Variants in A2M observed in about 807,000 individuals in gnomAD.
The protein encoded by A2M is alpha-2-macroglobulin, also known as C3 and PZP-like alpha-2-macroglobulin domain-containing protein 5.
A2M carries 128 observed loss-of-function variants against 183.9 expected under a neutral mutation model. That is an observed-to-expected ratio of 0.70 (90% CI 0.60 to 0.81). The LOEUF (loss-of-function observed/expected upper bound fraction) is 0.81, where lower values mean the gene tolerates loss of function less well. Among genes scored for constraint, A2M ranks in the 30% least tolerant of loss-of-function variants. A2M has a pLI of 0.00. For synonymous variants in A2M, 592 were observed against 670.8 expected, an observed-to-expected ratio of 0.88 and a Z score of 1.81; for missense variants, 1,495 against 1,787.6, an observed-to-expected ratio of 0.84 and a Z score of 2.95.
chr12:9,090,439 G>A lies in A2M; in HGVS notation c.2513C>T (p.Pro838Leu), dbSNP rs1464862721. 6.2e-7 allele frequency: 1 copy of A among 1,613,840 alleles called. No homozygotes were observed. Among genetic ancestry groups the A allele is most frequent in the African/African-American group, 1.3e-5 (1 of 74,924 alleles). Residue 838 changes from proline (P) to leucine (L), a missense_variant, in exon 20 of 36, where the codon CCA (proline) becomes CTA (leucine). By Grantham distance (98) the Pro-to-Leu change is moderately conservative (BLOSUM62 -3). Coordinates refer to ENST00000318602, the MANE Select transcript of A2M (RefSeq NM_000014.6). Reference protein sequence around the residue: ...LEASPAFLAVPVEKEQAPHCI... With the variant: ...LEASPAFLAVLVEKEQAPHCI... ...GTGAGGCGCTTGTTCCTTCTCCACT[G>A]GGACAGCTAGGAAGGCGGGAGAGGC...
rs762910225 is a variant in A2M, at chr12:9,084,765, CAT to C, written c.2770+4433_2770+4434del. Among the ~76,000 whole-genome samples, 27 of 152,050 alleles carry C rather than the reference CAT, an allele frequency of 1.8e-4. No individual in the cohort carries two copies. The East Asian group carries it at 5.2e-3, about 29-fold the overall frequency. ...TGGATTTAAAAAAACAGGACCGAAACATATGCTAATTACAAGAGACTCACCTA... is the reference window on the plus strand; with the variant it reads ...TGGATTTAAAAAAACAGGACCGAAACATGCTAATTACAAGAGACTCACCTA... On this transcript the variant is annotated intron_variant, in intron 22 of 35. Transcript: ENST00000318602.
rs770979861 is a variant in A2M at position 9,068,240 on chromosome 12, C to A, written c.4367-16G>T. The stretch of plus-strand genomic sequence containing the variant: ...GCAAACTCATCTGAAAAAAAAAAAA[C>A]CAACAAAAAACCAGAAATCATTACA... On this transcript the variant is annotated splice_polypyrimidine_tract_variant and intron_variant, in intron 34 of 35. Coordinates refer to ENST00000318602, the MANE Select transcript of A2M (RefSeq NM_000014.6). 2.7e-4 allele frequency: 420 copies of A among 1,574,622 alleles called. 3 individuals are homozygous for A. Among genetic ancestry groups the A allele is most frequent in the Admixed American group, 2.3e-4 (13 of 56,364 alleles).
chr12:9,098,426 G>A (rs1592373660), intron 15 of A2M, 181 bp downstream of exon 15: 2 of 357,138 alleles, frequency 5.6e-6, no homozygotes, highest in East Asian at 1.0e-4. Flanking sequence ...GCAGAAGTGA[G>A]TAGTTATATA....
intron 6 of A2M, 39 bp from the exon 7 acceptor site, chr12:9,109,444 C>A (rs765050650): frequency 1.3e-6 from 2 of 1,515,438 alleles, no homozygotes; most frequent in Non-Finnish European, 1.8e-6. Context: ...GATTGGTTTT[C>A]AACTTTGGGG....
Position 9,076,896 on chromosome 12 carries a change from G to A in A2M, c.3392C>T (p.Ala1131Val), listed in dbSNP as rs778775039. 6.2e-6 allele frequency: 10 copies of A among 1,609,410 alleles called. No individual in the cohort carries two copies. The Admixed American group carries it at 1.7e-4, about 27-fold the overall frequency. ...GTCCCCTTCTTGTGCTGTCTTCCAGGCTGACTCCAGGCAAAACAGGGCATT... is the reference window on the plus strand; with the variant it reads ...GTCCCCTTCTTGTGCTGTCTTCCAGACTGACTCCAGGCAAAACAGGGCATT... ...VRNALFCLES[A>V]WKTAQEGDHG... Residue 1131 changes from alanine to valine, a missense_variant, in exon 28 of 36, where the codon GCC becomes GTC. Transcript: ENST00000318602.
At chr12:9,098,815 C>T in intron 14 of A2M, 59 bp from the exon 15 acceptor site, 3 of 1,574,610 alleles carry the variant, frequency 1.9e-6, no homozygotes, top group East Asian at 2.3e-5. Flanking sequence ...CATGCATTCA[C>T]TCGCATTTGC....
At chr12:9,099,934 A>G (rs1937688981) in intron 13 of A2M, among the ~76,000 whole-genome samples, 1 of 152,248 alleles carries the variant, frequency 6.6e-6, no homozygotes, top group Non-Finnish European at 1.5e-5. Flanking sequence ...GAGGAACACC[A>G]TGCTCCTTCA....
chr12:9,089,149 C>T (rs1379365924), intron 22 of A2M, 51 bp downstream of exon 22: 6 of 1,358,936 alleles, frequency 4.4e-6, no homozygotes, highest in East Asian at 2.5e-5. Context: ...GTTCTTTGAA[C>T]TTTAAATGTT....
chr12:9,094,452 C>T (rs913948399), intron 17 of A2M, among the ~76,000 whole-genome samples: 12 of 148,556 alleles, frequency 8.1e-5, no homozygotes, highest in African/African-American at 3.0e-4. Flanking sequence ...ATAAAATATG[C>T]GGTAGGCTTC....
In A2M at chr12:9,080,106, C is replaced by T. The variant is rs191056902; in HGVS notation, c.2842G>A (p.Val948Ile). The stretch of plus-strand genomic sequence containing the variant: ...GCTGGAGACTCACCCAAAACTGAGA[C>T]AGAAGCTCGGGCAGATTCTTCTACC... ...NVVEESARASVSVLGDILGSA... is the reference protein window; with the variant it reads ...NVVEESARASISVLGDILGSA... The change falls in exon 23 of 36, where the codon GTC (valine) becomes ATC (isoleucine). Residue 948 changes from valine to isoleucine, a missense_variant. Coordinates refer to ENST00000318602, the MANE Select transcript of A2M (RefSeq NM_000014.6). The T allele has an allele frequency of 3.2e-5, 50 of 1,585,908 alleles. No individual in the cohort carries two copies. Among genetic ancestry groups the T allele is most frequent in the Non-Finnish European group, 4.3e-5 (50 of 1,165,262 alleles).
At chr12:9,110,097 T>A in intron 5 of A2M, 62 bp from the exon 6 acceptor site, 2 of 1,532,508 alleles carry the variant, frequency 1.3e-6, no homozygotes, top group Non-Finnish European at 1.8e-6. Context: ...TAATAAAAGA[T>A]ATCTATGGAA....
chr12:9,082,980 T>C (rs1344718065), intron 22 of A2M, among the ~76,000 whole-genome samples: 2 of 152,356 alleles, frequency 1.3e-5, no homozygotes, highest in Admixed American at 6.5e-5. Flanking sequence ...TCTAGATCCC[T>C]GAGGAATCGC....
In A2M at chr12:9,072,451, T is replaced by C. The variant is rs752277982; in HGVS notation, c.4011A>G (p.Glu1337=). The change falls in exon 31 of 36, where the codon GAA becomes GAG. Residue 1337 remains glutamate (E), a synonymous_variant. Transcript: ENST00000318602. ...GCACTCCTAAAGCAAAGGGGAACTC[T>C]TCCTTTTCTGGGAGAATATTGTATT... ...SLKYNILPEK[E]EFPFALGVQT... 6.2e-7 allele frequency: 1 copy of C among 1,612,988 alleles called. No homozygotes were observed. Among genetic ancestry groups the C allele is most frequent in the South Asian group, 1.1e-5 (1 of 90,752 alleles).
intron 18 of A2M, among the ~76,000 whole-genome samples, chr12:9,091,715 A>G (rs746833064): frequency 1.2e-4 from 19 of 152,328 alleles, no homozygotes; most frequent in African/African-American, 2.9e-4. Flanking sequence ...CTAAAATGCT[A>G]TTTCACTGAG....
At chr12:9,099,569 T>A (rs963299847) in intron 13 of A2M, 46 bp from the exon 14 acceptor site, 1 of 1,563,284 alleles carries the variant, frequency 6.4e-7, no homozygotes. Context: ...GGTTAATGAC[T>A]ATTTCCATTA....
At chr12:9,099,058 A>G (rs1473157606) in intron 14 of A2M, among the ~76,000 whole-genome samples, 1 of 152,214 alleles carries the variant, frequency 6.6e-6, no homozygotes, top group Non-Finnish European at 1.5e-5. Flanking sequence ...GCATGGGTCT[A>G]GGTGCTCTTG....
In A2M at chr12:9,106,244, A is replaced by G. The variant is rs751910472; in HGVS notation, c.1096T>C (p.Phe366Leu). The change falls in exon 10 of 36, where the codon TTT (phenylalanine) becomes CTT (leucine). Residue 366 changes from phenylalanine to leucine, a missense_variant. Transcript: ENST00000318602. ...DSHFRQGIPFFGQVRLVDGKG... is the reference protein window; with the variant it reads ...DSHFRQGIPFLGQVRLVDGKG... ...ACTGGAAAATACTCCACCTGCCCAA[A>G]GAAGGGAATTCCCTGTCGAAAGTGT... 38 of 1,607,058 alleles carry G rather than the reference A, an allele frequency of 2.4e-5. No homozygotes were observed. Among genetic ancestry groups the G allele is most frequent in the Non-Finnish European group, 3.2e-5 (37 of 1,173,776 alleles).
chr12:9,067,883 C>G, intron 35 of A2M, 44 bp from the exon 36 acceptor site: 1 of 1,584,428 alleles, frequency 6.3e-7, no homozygotes, highest in Non-Finnish European at 8.6e-7. Context: ...ATTTGGGTCT[C>G]CATGAGCAGA....
intron 14 of A2M, 104 bp downstream of exon 14, chr12:9,099,277 T>C: frequency 1.8e-6 from 2 of 1,085,566 alleles, no homozygotes; most frequent in Non-Finnish European, 2.7e-6. Flanking sequence ...TCTGGGGAAT[T>C]TGTTTAACCC....
Sources: allele counts gnomAD v4.1 joint callset (sites outside exome capture counted in the v4.1 genomes callset), GRCh38; gene constraint gnomAD v4.1.1; transcripts MANE v1.5; gene names NCBI Gene and HGNC (gene_info 2026-07-23, HGNC 2026-07-21).